COL15A1: variants seen among roughly 807,000 people sequenced by gnomAD.
COL15A1 encodes collagen type XV alpha 1 chain, also known as collagen alpha-1(XV) chain.
Under a neutral mutation model 165.9 loss-of-function variants are expected in COL15A1, and 111 were observed. The ratio of observed to expected loss-of-function variants is 0.67; its 90% CI spans 0.57 to 0.78. The LOEUF is 0.78. Ranked by LOEUF, COL15A1 falls within the 30% of genes least tolerant of loss-of-function variation. The pLI is 0.00. For missense variants in COL15A1, 1,745 were observed against 1,789.7 expected, an observed-to-expected ratio of 0.98 and a Z score of 0.45; for synonymous variants, 659 against 674.8, an observed-to-expected ratio of 0.98 and a Z score of 0.36.
chr9:98,991,070 G>T (rs994252289), intron 5 of COL15A1, among the ~76,000 whole-genome samples: 1 of 152,184 alleles, frequency 6.6e-6, no homozygotes, highest in Non-Finnish European at 1.5e-5. Flanking sequence ...TCATGGTCTT[G>T]CTGGCCTCAG....
At chr9:99,035,504 C>A in intron 19 of COL15A1, 86 bp downstream of exon 19, 2 of 1,548,272 alleles carry the variant, frequency 1.3e-6, no homozygotes, top group Admixed American at 3.4e-5. Flanking sequence ...CCCGGCTCTG[C>A]CACTTTCAAT....
At chr9:98,999,684 A>T (rs972481675) in intron 6 of COL15A1, among the ~76,000 whole-genome samples, 1 of 147,444 alleles carries the variant, frequency 6.8e-6, no homozygotes, top group Middle Eastern at 3.2e-3. Context: ...ATGCCTGGCT[A>T]TTTTTTTTTA....
At position 98,989,220 on chromosome 9, in the gene COL15A1, G is replaced by A. The variant is rs780502435; in HGVS notation, c.766G>A (p.Ala256Thr). The change falls in exon 5 of 42, where the codon GCT becomes ACT. Residue 256 changes from alanine (A) to threonine (T), a missense_variant. Coordinates refer to ENST00000375001, the MANE Select transcript of COL15A1 (RefSeq NM_001855.5). ...TGGGCTGCAGGAGGCAGACGGAGTAGCTGAGATCTTAGAAGCCGTCACCTA... is the reference window on the plus strand; with the variant it reads ...TGGGCTGCAGGAGGCAGACGGAGTAACTGAGATCTTAGAAGCCGTCACCTA... ...TSGLQEADGV[A>T]EILEAVTYTQ... 6 of 1,614,160 alleles carry A rather than the reference G, an allele frequency of 3.7e-6. No homozygotes were observed. Among genetic ancestry groups the A allele is most frequent in the Non-Finnish European group, 5.1e-6 (6 of 1,180,004 alleles).
intron 9 of COL15A1, among the ~76,000 whole-genome samples, chr9:99,006,617 CCTT>C (rs1838767333): frequency 1.3e-5 from 2 of 150,910 alleles, no homozygotes; most frequent in South Asian, 4.2e-4. Context: ...GTGGCTGTCT[CCTT>C]CTCCTTCTTC....
At chr9:99,015,870 G>A in intron 10 of COL15A1, 106 bp from the exon 11 acceptor site, 1 of 1,359,542 alleles carries the variant, frequency 7.4e-7, no homozygotes, top group Non-Finnish European at 1.0e-6. Flanking sequence ...TCGTAGGTAA[G>A]AACGTGCTTT....
intron 10 of COL15A1, 59 bp from the exon 11 acceptor site, chr9:99,015,917 C>T: frequency 1.3e-6 from 2 of 1,584,360 alleles, no homozygotes; most frequent in Non-Finnish European, 1.7e-6. Flanking sequence ...ACTGTTACAA[C>T]TCCCTGGCAG....
intron 7 of COL15A1, 132 bp downstream of exon 7, chr9:99,001,083 T>C: frequency 1.5e-6 from 1 of 660,296 alleles, no homozygotes; most frequent in African/African-American, 1.8e-5. Flanking sequence ...AGATTGCTTC[T>C]GTCCTCATGG....
chr9:98,979,656 A>ATTG (rs1387419986), intron 2 of COL15A1, among the ~76,000 whole-genome samples: 1 of 151,170 alleles, frequency 6.6e-6, no homozygotes, highest in Non-Finnish European at 1.5e-5. Context: ...CTTTATTATT[A>ATTG]TTATTATTAT....
intron 28 of COL15A1, among the ~76,000 whole-genome samples, chr9:99,048,333 G>GGGATC (rs1253322717): frequency 6.6e-6 from 1 of 152,082 alleles, no homozygotes; most frequent in East Asian, 1.9e-4. Context: ...CCTTTACACA[G>GGGATC]TCCCAGGGAT....
At chr9:99,045,841 AT>A (rs1183851474) in intron 26 of COL15A1, among the ~76,000 whole-genome samples, 1 of 152,248 alleles carries the variant, frequency 6.6e-6, no homozygotes, top group Non-Finnish European at 1.5e-5. Flanking sequence ...AGAGAATTGT[AT>A]ACAGGTTTGT....
chr9:98,982,617 C>CGAT (rs142566035), intron 2 of COL15A1, among the ~76,000 whole-genome samples: 58,142 of 150,434 alleles, frequency 0.39, 12,083 homozygotes, highest in East Asian at 0.58. Flanking sequence ...ACAGTGATGA[C>CGAT]GATGATGATG....
chr9:99,025,121 C>A (rs1039644926), intron 15 of COL15A1, 122 bp downstream of exon 15: 3 of 730,064 alleles, frequency 4.1e-6, no homozygotes, highest in Non-Finnish European at 6.6e-6. Flanking sequence ...GAGCAGCTAG[C>A]TGTTTGTAAA....
At chr9:99,015,625 G>A (rs903678446) in intron 10 of COL15A1, 59 bp downstream of exon 10, 62 of 1,534,854 alleles carry the variant, frequency 4.0e-5, no homozygotes, top group Admixed American at 1.4e-4. Context: ...TGCATCATGC[G>A]ACAACAGTCA....
rs539924901 is a variant in COL15A1, at chr9:99,025,951, G to A, written c.2028G>A (p.Gly676=). 3 of 1,612,182 alleles carry A rather than the reference G, an allele frequency of 1.9e-6. No homozygotes were observed. In the African/African-American group the frequency reaches 4.0e-5, roughly 21 times the overall value. ...PGVDGATGLP[G]MKGEKGARGP... is the part of the protein sequence containing the mutation. ...TTGATGGAGCCACCGGCCTTCCCGG[G>A]ATGAAAGGGGAGAAGGTACGGGGAA... The change falls in exon 16 of 42, where the codon GGG becomes GGA. Residue 676 remains glycine, a synonymous_variant. Coordinates refer to ENST00000375001, the MANE Select transcript of COL15A1 (RefSeq NM_001855.5).
intron 2 of COL15A1, among the ~76,000 whole-genome samples, chr9:98,945,786 A>G (rs1431676998): frequency 6.6e-6 from 1 of 152,272 alleles, no homozygotes; most frequent in African/African-American, 2.4e-5. Flanking sequence ...GCAGAGGCCA[A>G]CTTTGGGTTC....
chr9:98,947,230 A>G (rs911810562), intron 2 of COL15A1, among the ~76,000 whole-genome samples: 4 of 152,250 alleles, frequency 2.6e-5, no homozygotes, highest in Non-Finnish European at 5.9e-5. Context: ...GGAATGAAGT[A>G]TTGATCAATG....
chr9:98,953,433 C>A (rs1038374417), intron 2 of COL15A1, among the ~76,000 whole-genome samples: 6 of 152,084 alleles, frequency 3.9e-5, no homozygotes, highest in African/African-American at 1.4e-4. Flanking sequence ...CTCAACCCAA[C>A]CCAACCCTAT....
At chr9:99,065,734 C>T (rs1825881103) in intron 39 of COL15A1, among the ~76,000 whole-genome samples, 1 of 149,224 alleles carries the variant, frequency 6.7e-6, no homozygotes, top group Non-Finnish European at 1.5e-5. Flanking sequence ...CAGGTGGCAG[C>T]CTTGGGGTCT....
At chr9:98,968,028 G>A (rs752501048) in intron 2 of COL15A1, among the ~76,000 whole-genome samples, 19 of 152,220 alleles carry the variant, frequency 1.2e-4, no homozygotes, top group East Asian at 3.8e-4. Context: ...AACCACTGGC[G>A]TCATGGATAA....
Sources: allele counts gnomAD v4.1 joint callset (sites outside exome capture counted in the v4.1 genomes callset), GRCh38; gene constraint gnomAD v4.1.1; transcripts MANE v1.5; gene names NCBI Gene and HGNC (gene_info 2026-07-23, HGNC 2026-07-21).